SEC14L1: variants seen among roughly 807,000 people sequenced by gnomAD.
SEC14L1 encodes SEC14 like lipid binding 1.
A neutral mutation model predicts 85.3 loss-of-function variants in SEC14L1; 48 were observed. The observed-to-expected ratio is 0.56, with a 90% CI of 0.45 to 0.72. The LOEUF is 0.72. Ranked by LOEUF, SEC14L1 falls within the 30% of genes least tolerant of loss-of-function variation. The pLI is 0.00. For synonymous variants in SEC14L1, 391 were observed against 355.5 expected (o/e 1.10, Z -1.12); for missense variants, 682 against 921.4 (o/e 0.74, Z 3.36).
At chr17:77,120,226 T>C (rs1972262367) in intron 3 of SEC14L1, among the ~76,000 whole-genome samples, 1 of 151,886 alleles carries the variant, frequency 6.6e-6, no homozygotes, top group African/African-American at 2.4e-5. Context: ...AAAAATAAAT[T>C]TAAAAAAAGT....
chr17:77,154,631 T>TG (rs1278187347), intron 3 of SEC14L1, among the ~76,000 whole-genome samples: 2 of 87,454 alleles, frequency 2.3e-5, no homozygotes, highest in Non-Finnish European at 6.0e-5. Flanking sequence ...CCTTCTGGTT[T>TG]TTTTTGTTTT....
rs376532258 is a variant in SEC14L1, at chr17:77,101,696, C to T, written c.-136+8349C>T. Among the ~76,000 whole-genome samples the T allele has an allele frequency of 9.8e-5, 15 of 152,324 alleles. No homozygotes were observed. The East Asian group carries it at 2.7e-3, about 27-fold the overall frequency. On this transcript the variant is annotated intron_variant, in intron 3 of 19. Coordinates refer to the SEC14L1 transcript ENST00000392476. ...CCTGGGCTGGAGATTCGGCAGTTCT[C>T]ACAAGCTCCCAGGCCATGCTGATAC...
At chr17:77,208,573 T>TA (rs1163417863) in intron 13 of SEC14L1, among the ~76,000 whole-genome samples, 1 of 152,198 alleles carries the variant, frequency 6.6e-6, no homozygotes, top group Non-Finnish European at 1.5e-5. Flanking sequence ...TTGAGGCTGA[T>TA]TGTTGAAAGG....
chr17:77,153,320 G>T (rs1229717093), intron 3 of SEC14L1, among the ~76,000 whole-genome samples: 1 of 152,172 alleles, frequency 6.6e-6, no homozygotes, highest in Non-Finnish European at 1.5e-5. Flanking sequence ...ACCCTCCTTG[G>T]CCTCCCAAAG....
intron 3 of SEC14L1, among the ~76,000 whole-genome samples, chr17:77,131,628 A>G (rs1972615816): frequency 6.6e-6 from 1 of 152,230 alleles, no homozygotes; most frequent in Non-Finnish European, 1.5e-5. Flanking sequence ...AAGGTGCTCA[A>G]TAAATGTTTG....
At chr17:77,131,683 T>C (rs760616910) in intron 3 of SEC14L1, among the ~76,000 whole-genome samples, 4 of 152,338 alleles carry the variant, frequency 2.6e-5, no homozygotes, top group Admixed American at 2.0e-4. Context: ...AGAGTGGAGA[T>C]GAATATAAAA....
intron 1 of SEC14L1, chr17:77,141,720 A>T (rs558417520): frequency 6.6e-6 from 1 of 152,302 alleles, no homozygotes; most frequent in South Asian, 2.1e-4. Flanking sequence ...GCAGGTTCTT[A>T]AGTGAGTGTA....
chr17:77,136,916 T>C (rs1972816451), upstream of SEC14L1, among the ~76,000 whole-genome samples: 2 of 151,816 alleles, frequency 1.3e-5, no homozygotes, highest in South Asian at 4.1e-4. Context: ...TCTTTCTTTT[T>C]TTTTTTTTTT....
chr17:77,135,992 C>T (rs1972785225), upstream of SEC14L1, among the ~76,000 whole-genome samples: 2 of 152,246 alleles, frequency 1.3e-5, no homozygotes, highest in South Asian at 4.1e-4. Flanking sequence ...CCTGCCTCAG[C>T]CTCCTGAGTA....
At chr17:77,101,550 C>G (rs1466908381) in intron 3 of SEC14L1, among the ~76,000 whole-genome samples, 2 of 152,162 alleles carry the variant, frequency 1.3e-5, no homozygotes, top group Non-Finnish European at 2.9e-5. Context: ...CACGTTGTTG[C>G]ATTTTTGGTC....
chr17:77,173,565 A>G (rs1974618223), intron 3 of SEC14L1, among the ~76,000 whole-genome samples: 1 of 152,198 alleles, frequency 6.6e-6, no homozygotes, highest in Admixed American at 6.5e-5. Flanking sequence ...CACAGGGCAT[A>G]GCGTATCTCC....
intron 3 of SEC14L1, among the ~76,000 whole-genome samples, chr17:77,167,808 A>G (rs1475840721): frequency 6.6e-6 from 1 of 152,232 alleles, no homozygotes; most frequent in Non-Finnish European, 1.5e-5. Context: ...CCTCTACCCA[A>G]AGGCAAGAGA....
intron 3 of SEC14L1, among the ~76,000 whole-genome samples, chr17:77,105,711 C>A (rs1971900455): frequency 6.6e-6 from 1 of 152,114 alleles, no homozygotes; most frequent in Non-Finnish European, 1.5e-5. Context: ...AAAAATGTGA[C>A]TCAAGGTTAA....
At chr17:77,175,069 G>A (rs2143706092) in intron 3 of SEC14L1, among the ~76,000 whole-genome samples, 1 of 152,354 alleles carries the variant, frequency 6.6e-6, no homozygotes, top group East Asian at 1.9e-4. Context: ...CTGGACTTGT[G>A]TGAGCATGTC....
At chr17:77,163,267 C>A (rs1974147514) in intron 3 of SEC14L1, among the ~76,000 whole-genome samples, 1 of 152,218 alleles carries the variant, frequency 6.6e-6, no homozygotes, top group South Asian at 2.1e-4. Context: ...AGAAGAAAAG[C>A]TGGGACACAG....
At chr17:77,163,632 T>A (rs73376370) in intron 3 of SEC14L1, among the ~76,000 whole-genome samples, 2,476 of 152,328 alleles carry the variant, frequency 0.016, 63 homozygotes, top group African/African-American at 0.055. Flanking sequence ...GAGCAGACGC[T>A]GTCACCATGT....
chr17:77,160,281 A>G (rs1974001315), intron 3 of SEC14L1, among the ~76,000 whole-genome samples: 1 of 152,266 alleles, frequency 6.6e-6, no homozygotes, highest in South Asian at 2.1e-4. Context: ...TGAAGTCCAC[A>G]AATTTCTCTT....
chr17:77,201,805 G>T (rs1027364511), intron 9 of SEC14L1, among the ~76,000 whole-genome samples: 3 of 152,124 alleles, frequency 2.0e-5, no homozygotes, highest in Admixed American at 6.6e-5. Flanking sequence ...AGGCCTTTCC[G>T]TAAGATTTTG....
At chr17:77,180,041 TTGTTTTGTTA>T (rs1417077887) in intron 3 of SEC14L1, among the ~76,000 whole-genome samples, 4,783 of 136,890 alleles carry the variant, frequency 0.035, 92 homozygotes, top group Non-Finnish European at 0.045. Flanking sequence ...ATGTTATGTT[TTGTTTTGTTA>T]TGTTATGTTA....
Sources: allele counts gnomAD v4.1 joint callset (sites outside exome capture counted in the v4.1 genomes callset), GRCh38; gene constraint gnomAD v4.1.1; transcripts MANE v1.5; gene names NCBI Gene and HGNC (gene_info 2026-07-23, HGNC 2026-07-21).